The following GRM7 variants were observed in gnomAD, a reference collection of about 807,000 sequenced individuals.
GRM7 encodes metabotropic glutamate receptor 7.
Under a neutral mutation model 84.5 loss-of-function variants are expected in GRM7, and 35 were observed. That is an observed-to-expected ratio of 0.41 (90% confidence interval 0.32 to 0.55). The LOEUF (loss-of-function observed/expected upper bound fraction) is 0.55. Among genes scored for constraint, GRM7 ranks in the 20% least tolerant of loss-of-function variants. The pLI is 0.19. For missense variants in GRM7, 1,003 were observed against 1,194.6 expected (o/e 0.84, Z 2.36); for synonymous variants, 487 against 455.1 (o/e 1.07, Z -0.89).
chr3:6,987,540 C>G (rs1694463184), intron 1 of GRM7, among the ~76,000 whole-genome samples: 1 of 152,074 alleles, frequency 6.6e-6, no homozygotes, highest in Non-Finnish European at 1.5e-5. Flanking sequence ...CAGGTAAGAG[C>G]AAGTGCAAAA....
At chr3:7,401,040 T>G (rs1695426874) in intron 4 of GRM7, among the ~76,000 whole-genome samples, 1 of 152,100 alleles carries the variant, frequency 6.6e-6, no homozygotes. Flanking sequence ...ATTGAAAGTG[T>G]CTTGGAGCAG....
At chr3:6,978,453 G>A (rs940770783) in intron 1 of GRM7, among the ~76,000 whole-genome samples, 3 of 152,144 alleles carry the variant, frequency 2.0e-5, no homozygotes, top group African/African-American at 7.2e-5. Context: ...AATGAATATA[G>A]CAAGGGCACT....
chr3:7,640,595 T>C (rs2125104359), intron 8 of GRM7, among the ~76,000 whole-genome samples: 1 of 152,312 alleles, frequency 6.6e-6, no homozygotes, highest in East Asian at 1.9e-4. Context: ...AGAAGGAAAA[T>C]ATATTCCATT....
At chr3:7,566,689 A>C (rs1694290797) in intron 7 of GRM7, among the ~76,000 whole-genome samples, 1 of 152,146 alleles carries the variant, frequency 6.6e-6, no homozygotes, top group Admixed American at 6.5e-5. Flanking sequence ...GTATCAGTAG[A>C]TGGATATTGT....
intron 7 of GRM7, among the ~76,000 whole-genome samples, chr3:7,474,047 C>T (rs1287386768): frequency 6.6e-6 from 1 of 152,178 alleles, no homozygotes; most frequent in Non-Finnish European, 1.5e-5. Context: ...GGGTCAGCTT[C>T]TACAGAGTTC....
intron 4 of GRM7, among the ~76,000 whole-genome samples, chr3:7,362,016 C>A (rs1693685440): frequency 1.3e-5 from 2 of 152,184 alleles, no homozygotes; most frequent in South Asian, 4.1e-4. Context: ...ACATCTTGGA[C>A]TAATGTTTAA....
chr3:7,064,247 C>A (rs2124973730), intron 1 of GRM7, among the ~76,000 whole-genome samples: 1 of 150,352 alleles, frequency 6.7e-6, no homozygotes, highest in Middle Eastern at 3.4e-3. Flanking sequence ...CCCACTCTTC[C>A]CCCCAAGTCC....
rs948971885 is a variant in GRM7 at position 7,565,136 on chromosome 3, A to T, written c.1516-13286A>T. Among the ~76,000 whole-genome samples, 2 of 152,276 alleles carry T rather than the reference A, an allele frequency of 1.3e-5. 1 individual carries two copies. Among genetic ancestry groups the T allele is most frequent in the South Asian group, 4.1e-4 (2 of 4,828 alleles). ...ATTAAATGACCAGAAAACTGATGAGACTCACAAAAGTAATTATGGATCCTT... is the reference window on the plus strand; with the variant it reads ...ATTAAATGACCAGAAAACTGATGAGTCTCACAAAAGTAATTATGGATCCTT... On this transcript the variant is annotated intron_variant, in intron 7 of 9. Transcript: ENST00000357716.
intron 4 of GRM7, among the ~76,000 whole-genome samples, chr3:7,412,294 G>A (rs1186203680): frequency 6.6e-6 from 1 of 152,178 alleles, no homozygotes; most frequent in African/African-American, 2.4e-5. Context: ...TGAGAAGGCA[G>A]CCATCAGGAC....
At chr3:7,566,885 G>T (rs1172440525) in intron 7 of GRM7, among the ~76,000 whole-genome samples, 2 of 152,270 alleles carry the variant, frequency 1.3e-5, no homozygotes, top group East Asian at 3.9e-4. Context: ...GACAGACCTA[G>T]ATTTACTTTT....
intron 1 of GRM7, among the ~76,000 whole-genome samples, chr3:6,961,380 G>T (rs1366029311): frequency 6.6e-6 from 1 of 151,898 alleles, no homozygotes; most frequent in African/African-American, 2.4e-5. Context: ...CAACTCCTTT[G>T]CCTCTTCTCC....
chr3:7,587,739 C>T (rs112936479), intron 8 of GRM7, among the ~76,000 whole-genome samples: 1 of 152,168 alleles, frequency 6.6e-6, no homozygotes, highest in Non-Finnish European at 1.5e-5. Flanking sequence ...TAGGCACTGG[C>T]TACCAGTCGT....
At chr3:7,517,547 C>A (rs560395231) in intron 7 of GRM7, among the ~76,000 whole-genome samples, 1 of 152,136 alleles carries the variant, frequency 6.6e-6, no homozygotes. Flanking sequence ...CACCTGCCAC[C>A]ATACCTAGCC....
At position 7,064,193 on chromosome 3, in the gene GRM7, C is replaced by G. The variant is rs553174045; in HGVS notation, c.520-82259C>G. Among the ~76,000 whole-genome samples the G allele has an allele frequency of 2.0e-5, 3 of 151,036 alleles. No homozygotes were observed. The East Asian group carries it at 5.9e-4, about 30-fold the overall frequency. ...AGATTTTGGTGCACCTATCACCCAT[C>G]TATACACTATACTATATTTATAGTC... On this transcript the variant is annotated intron_variant, in intron 1 of 9. Transcript: ENST00000357716.
At chr3:7,008,300 A>G (rs147994693) in intron 1 of GRM7, among the ~76,000 whole-genome samples, 327 of 152,296 alleles carry the variant, frequency 2.1e-3, no homozygotes, top group Middle Eastern at 0.014. Flanking sequence ...AGAATGGCCT[A>G]TTTAGTTTGT....
chr3:7,103,958 A>G (rs1699212599), intron 1 of GRM7, among the ~76,000 whole-genome samples: 1 of 151,076 alleles, frequency 6.6e-6, no homozygotes, highest in Non-Finnish European at 1.5e-5. Flanking sequence ...AATGTTGTTA[A>G]TCATTCATTC....
At chr3:7,617,780 G>C (rs1254596970) in intron 8 of GRM7, among the ~76,000 whole-genome samples, 3 of 152,012 alleles carry the variant, frequency 2.0e-5, no homozygotes, top group African/African-American at 7.2e-5. Flanking sequence ...AGGGGACTTG[G>C]GGAAGTCTCT....
intron 1 of GRM7, among the ~76,000 whole-genome samples, chr3:6,980,636 G>A (rs927051436): frequency 7.9e-5 from 12 of 152,130 alleles, no homozygotes; most frequent in Admixed American, 1.3e-4. Context: ...TTTGAATGCC[G>A]TAAGTGGTAA....
At chr3:7,178,493 C>T (rs1265744576) in intron 2 of GRM7, among the ~76,000 whole-genome samples, 3 of 152,130 alleles carry the variant, frequency 2.0e-5, no homozygotes, top group African/African-American at 7.2e-5. Context: ...CACTGCTTAG[C>T]TCCTTGCACA....
Sources: gnomAD v4.1 joint callset for allele counts (sites outside exome capture counted in the v4.1 genomes callset) on GRCh38, gnomAD v4.1.1 for gene constraint, MANE v1.5 for transcripts, NCBI Gene and HGNC (gene_info 2026-07-23, HGNC 2026-07-21) for gene names.